ADAM19: variants seen among roughly 807,000 people sequenced by gnomAD.
The protein encoded by ADAM19 is ADAM metallopeptidase domain 19.
A neutral mutation model predicts 114.7 loss-of-function variants in ADAM19; 65 were observed. The ratio of observed to expected loss-of-function variants is 0.57; its 90% CI spans 0.46 to 0.70. The LOEUF (loss-of-function observed/expected upper bound fraction) is 0.70, where lower values mean the gene tolerates loss of function less well. Ranked by LOEUF, ADAM19 falls within the 30% of genes least tolerant of loss-of-function variation. The pLI, the probability that ADAM19 is intolerant of heterozygous loss-of-function variation, is 0.00. For synonymous variants in ADAM19, 466 were observed against 460.5 expected (o/e 1.01, Z -0.15); for missense variants, 1,063 against 1,204.7 (o/e 0.88, Z 1.74).
chr5:157,486,261 G>A (rs1041374016), intron 21 of ADAM19, among the ~76,000 whole-genome samples: 2 of 152,168 alleles, frequency 1.3e-5, no homozygotes, highest in African/African-American at 4.8e-5. Flanking sequence ...AGAGAAATGA[G>A]GGCTGCAGCA....
chr5:157,523,952 G>A (rs1016887189), intron 5 of ADAM19, among the ~76,000 whole-genome samples: 3 of 152,304 alleles, frequency 2.0e-5, no homozygotes, highest in South Asian at 2.1e-4. Context: ...CCTGAAGGTC[G>A]TTCCAGCAAT....
chr5:157,556,828 T>C (rs1757380999), intron 3 of ADAM19, among the ~76,000 whole-genome samples: 1 of 152,234 alleles, frequency 6.6e-6, no homozygotes, highest in African/African-American at 2.4e-5. Flanking sequence ...AGACATTGTG[T>C]GAAGTGCCTT....
intron 3 of ADAM19, among the ~76,000 whole-genome samples, chr5:157,548,609 A>G (rs1581346366): frequency 1.3e-5 from 2 of 152,336 alleles, no homozygotes; most frequent in South Asian, 4.1e-4. Flanking sequence ...CACTTAGTTT[A>G]TTCAAGGGGT....
intron 5 of ADAM19, among the ~76,000 whole-genome samples, chr5:157,522,070 T>C (rs1213749189): frequency 1.3e-5 from 2 of 152,232 alleles, no homozygotes; most frequent in African/African-American, 2.4e-5. Flanking sequence ...CAAGCCATAG[T>C]GTGGTGCACA....
rs1345190321 is a variant in ADAM19, at chr5:157,506,027, G to C, written c.991-219C>G. 2.0e-5 allele frequency among the ~76,000 whole-genome samples: 3 copies of C among 152,168 alleles called. No homozygotes were observed. In the East Asian group the frequency reaches 5.8e-4, roughly 29 times the overall value. On this transcript the variant is annotated intron_variant, in intron 10 of 22. Transcript: ENST00000257527. ...GTCCATGTTTCCTGAGTTCTCAAAG[G>C]TTGCAGACCACAACTGACCTATGGA...
chr5:157,528,697 C>T (rs886469071), intron 5 of ADAM19, among the ~76,000 whole-genome samples: 2 of 152,130 alleles, frequency 1.3e-5, no homozygotes, highest in Non-Finnish European at 2.9e-5. Context: ...GTGTGAGAAA[C>T]CTTCCATTTG....
chr5:157,489,222 A>G lies in ADAM19; in HGVS notation c.2241-36T>C, dbSNP rs771125721. 6 of 1,501,662 alleles carry G rather than the reference A, an allele frequency of 4.0e-6. No homozygotes were observed. The East Asian group carries it at 1.1e-4, about 28-fold the overall frequency. 93.0% of individuals were successfully genotyped at this position (1,501,662 alleles called of 1,614,324 possible). ...GAAATGGGGGAGGAAAAGAAAGGGG[A>G]CGATGTTCAGCAGGGGACAGTGCCT... is the stretch of plus-strand genomic sequence containing the variant. On this transcript the variant is annotated intron_variant, in intron 19 of 22. Transcript: ENST00000257527.
intron 13 of ADAM19, among the ~76,000 whole-genome samples, chr5:157,497,547 G>A (rs1755402517): frequency 6.7e-6 from 1 of 150,182 alleles, no homozygotes; most frequent in South Asian, 2.1e-4. Flanking sequence ...CATAGTAAGT[G>A]GCAGAGGAGC....
chr5:157,538,049 C>T, intron 3 of ADAM19, 58 bp from the exon 4 acceptor site: 1 of 1,394,974 alleles, frequency 7.2e-7, no homozygotes, highest in Admixed American at 1.7e-5. Context: ...ACCCTCCTAG[C>T]AACAACGAGT....
At position 157,478,893 on chromosome 5, in the gene ADAM19, T is replaced by C; in HGVS notation, c.*2056A>G. On this transcript the variant is annotated 3_prime_UTR_variant, in exon 23 of 23. Coordinates refer to ENST00000257527, the MANE Select transcript of ADAM19 (RefSeq NM_033274.5). ...GGCTGTGGCGCTGTCATTTCAGAGC[T>C]ATCTACCTCCTGATGTGAGGGAGAA... 1.0e-6 allele frequency: 1 copy of C among 985,760 alleles called. No homozygotes were observed. The highest frequency in any genetic ancestry group is 1.2e-6 in the Non-Finnish European group (1 of 829,934). 61.1% of individuals were successfully genotyped at this position (985,760 alleles called of 1,614,324 possible). A position where few individuals can be genotyped will look rare whatever the true frequency, so the allele number is the denominator to read the frequency against.
rs774723084 is a variant in ADAM19, at chr5:157,507,104, G to A, written c.942C>T (p.Ala314=). 7 of 1,614,042 alleles carry A rather than the reference G, an allele frequency of 4.3e-6. No individual in the cohort carries two copies. In the Admixed American group the frequency reaches 1.0e-4, roughly 23 times the overall value. Residue 314 remains alanine, a synonymous_variant, in exon 10 of 23, where the codon GCC becomes GCT. Transcript: ENST00000257527. ...ACACAGAGCACATGGCCATGAGGGG[G>A]GCCAGGCCGATGGTGGTGCCGTGGA... ...MSFHGTTIGL[A]PLMAMCSVYQ...
chr5:157,537,752 A>G (rs1276844220), intron 4 of ADAM19, among the ~76,000 whole-genome samples, 161 bp downstream of exon 4: 4 of 152,240 alleles, frequency 2.6e-5, no homozygotes, highest in East Asian at 1.9e-4. Flanking sequence ...ACCTATGAAC[A>G]TCAAATACAT....
At chr5:157,535,909 T>C (rs1196552751) in intron 4 of ADAM19, among the ~76,000 whole-genome samples, 2 of 152,206 alleles carry the variant, frequency 1.3e-5, no homozygotes, top group Admixed American at 6.5e-5. Flanking sequence ...GGCTAACAGC[T>C]TTCTAGGCAT....
intron 16 of ADAM19, 60 bp downstream of exon 16, chr5:157,492,913 T>C: frequency 1.3e-6 from 2 of 1,581,824 alleles, no homozygotes; most frequent in Non-Finnish European, 1.7e-6. Context: ...CCCTCAGACC[T>C]CACTTCTCAA....
chr5:157,573,983 G>A (rs1043957703), intron 1 of ADAM19, among the ~76,000 whole-genome samples: 30 of 152,258 alleles, frequency 2.0e-4, no homozygotes, highest in African/African-American at 6.7e-4. Context: ...ATTTGTATGA[G>A]TCGTGTTTTT....
At chr5:157,502,067 A>G (rs1391592658) in intron 12 of ADAM19, among the ~76,000 whole-genome samples, 1 of 148,000 alleles carries the variant, frequency 6.8e-6, no homozygotes, top group Non-Finnish European at 1.5e-5. Flanking sequence ...CCATAAAATC[A>G]GATTTTTTTT....
chr5:157,574,167 GA>G lies in ADAM19; in HGVS notation c.94+1435del, dbSNP rs900268051. Among the ~76,000 whole-genome samples, 10 of 151,964 alleles carry G rather than the reference GA, an allele frequency of 6.6e-5. No homozygotes were observed. In the South Asian group the frequency reaches 1.7e-3, roughly 25 times the overall value. On this transcript the variant is annotated intron_variant, in intron 1 of 22. Coordinates refer to ENST00000257527, the MANE Select transcript of ADAM19 (RefSeq NM_033274.5). ...AGGAACACACAAAGAATGTGGAGGG[GA>G]AAAAAAACAAAATATCAACAGCAAC...
In ADAM19 at chr5:157,480,328, G is replaced by A; in HGVS notation, c.*621C>T. Reference sequence around the variant, plus strand: ...ACCTGTCTGAGTCAGAGTGACCCGTGTGAATACAGGGATGCAGGGGTTTGG... The same window carrying A: ...ACCTGTCTGAGTCAGAGTGACCCGTATGAATACAGGGATGCAGGGGTTTGG... On this transcript the variant is annotated 3_prime_UTR_variant, in exon 23 of 23. Transcript: ENST00000257527. 1 of 986,570 alleles carries A rather than the reference G, an allele frequency of 1.0e-6. No individual in the cohort carries two copies. The allele number at this position is 986,570 out of a possible 1,614,324, so 61.1% of individuals were successfully genotyped here.
chr5:157,504,884 C>G (rs970217881), intron 11 of ADAM19, among the ~76,000 whole-genome samples: 2 of 151,854 alleles, frequency 1.3e-5, no homozygotes, highest in African/African-American at 4.8e-5. Context: ...CTTTGGGAGG[C>G]CGAGGCGGGT....
Sources: gnomAD v4.1 joint callset for allele counts (sites outside exome capture counted in the v4.1 genomes callset) on GRCh38, gnomAD v4.1.1 for gene constraint, MANE v1.5 for transcripts, NCBI Gene and HGNC (gene_info 2026-07-23, HGNC 2026-07-21) for gene names.